SLC38A5: variants seen among roughly 807,000 people sequenced by gnomAD.
SLC38A5 encodes solute carrier family 38 member 5.
A neutral mutation model predicts 34.6 loss-of-function variants in SLC38A5; 9 were observed. That is an observed-to-expected ratio of 0.26 (90% CI 0.16 to 0.45). The LOEUF (loss-of-function observed/expected upper bound fraction) is 0.45. Ranked by LOEUF, SLC38A5 falls within the 20% of genes least tolerant of loss-of-function variation. The pLI is 1.00. For missense variants in SLC38A5, 253 were observed against 394.7 expected, an observed-to-expected ratio of 0.64 and a Z score of 3.04; for synonymous variants, 157 against 155.6, an observed-to-expected ratio of 1.01 and a Z score of -0.07.
chrX:48,465,569 G>C (rs1403322068), intron 8 of SLC38A5, among the ~76,000 whole-genome samples: 1 of 111,987 alleles, frequency 8.9e-6, no homozygotes, highest in Non-Finnish European at 1.9e-5. Context: ...CAATCAGCTG[G>C]ACAGGGGAAG....
intron 6 of SLC38A5, among the ~76,000 whole-genome samples, chrX:48,466,594 G>C (rs1490256125): frequency 2.8e-5 from 3 of 107,631 alleles, no homozygotes; most frequent in African/African-American, 1.0e-4. Flanking sequence ...CTGGGGAACC[G>C]GGGACTGAGG....
intron 2 of SLC38A5, chrX:48,469,005 G>A: frequency 1.3e-6 from 1 of 753,525 alleles, no homozygotes; most frequent in South Asian, 6.7e-5. Context: ...TTGGGAAGGA[G>A]GTATCTCAGA....
chrX:48,466,838 A>G lies in SLC38A5; in HGVS notation c.280T>C (p.Tyr94His). 1.7e-6 allele frequency: 2 copies of G among 1,206,573 alleles called. No homozygotes were observed. Among genetic ancestry groups the G allele is most frequent in the Non-Finnish European group, 2.2e-6 (2 of 892,893 alleles). Residue 94 changes from tyrosine (Y) to histidine (H), a missense_variant, in exon 6 of 17, where the codon TAC (tyrosine) becomes CAC (histidine). By Grantham distance (83) the Tyr-to-His change is moderately conservative (BLOSUM62 2). Around this residue, in one of 3 missense-constraint regions of SLC38A5, gnomAD observed 37 missense variants for 85.3 expected, o/e 0.43. Transcript: ENST00000620913. ...CAGGTCAGCAGGAGGTGGATGGAGT[A>G]GGACGACAGAAGCGCAATGCACAGC... ...LLLCIALLSSYSIHLLLTCAG... is the reference protein window; with the variant it reads ...LLLCIALLSSHSIHLLLTCAG...
chrX:48,460,730 G>A lies in SLC38A5; in HGVS notation c.987C>T (p.Ser329=). 12 of 1,211,988 alleles carry A rather than the reference G, an allele frequency of 9.9e-6. No individual in the cohort carries two copies. Among genetic ancestry groups the A allele is most frequent in the Non-Finnish European group, 1.3e-5 (12 of 895,579 alleles). ...CACAGAGGATGAGCGGGTCCTTCTG[G>A]CTGTACATGTGCAGCATCTCCGCCT... ...SVKAEMLHMY[S]QKDPLILCVR... The change falls in exon 14 of 17, where the codon AGC becomes AGT. Residue 329 remains serine, a synonymous_variant. Transcript: ENST00000620913.
chrX:48,466,212 A>G lies in SLC38A5; in HGVS notation c.412+18T>C. 1 of 890,705 alleles carries G rather than the reference A, an allele frequency of 1.1e-6. No homozygotes were observed. Among genetic ancestry groups the G allele is most frequent in the African/African-American group, 2.1e-5 (1 of 46,981 alleles). 73.4% of individuals were successfully genotyped at this position (890,705 alleles called of 1,213,427 possible). On this transcript the variant is annotated intron_variant, in intron 7 of 16. Coordinates refer to ENST00000620913, the MANE Select transcript of SLC38A5 (RefSeq NM_033518.4). Reference sequence around the variant, plus strand: ...GCCCTCTCCCCCCAAGCTGACCCCCACCTCCCAGAGTCCTCACCCCCAACA... The same window carrying G: ...GCCCTCTCCCCCCAAGCTGACCCCCGCCTCCCAGAGTCCTCACCCCCAACA...
At position 48,468,703 on chromosome X, in the gene SLC38A5, C is replaced by A. The variant is rs782802605; in HGVS notation, c.-2+632G>T. 7 of 282,007 alleles carry A rather than the reference C, an allele frequency of 2.5e-5. No homozygotes were observed. The East Asian group carries it at 1.6e-3, about 64-fold the overall frequency. The allele number at this position is 282,007 out of a possible 1,213,427, so 23.2% of individuals were successfully genotyped here. A position where few individuals can be genotyped will look rare whatever the true frequency, so the allele number is the denominator to read the frequency against. ...TAGGGCCTAGAGGTCTTTTCCAGGG[C>A]CCCTAGCAAGTCTTAAACACTCATC... is the stretch of plus-strand genomic sequence containing the variant. On this transcript the variant is annotated intron_variant, in intron 2 of 16. Transcript: ENST00000620913.
intron 2 of SLC38A5, chrX:48,468,260 C>A (rs1463077998): frequency 3.0e-5 from 28 of 918,876 alleles, no homozygotes; most frequent in Non-Finnish European, 3.8e-5. Flanking sequence ...GATGAGCCGA[C>A]CACGTGGAGA....
intron 2 of SLC38A5, chrX:48,468,838 A>G (rs955773174): frequency 2.9e-4 from 214 of 748,195 alleles, no homozygotes; most frequent in Non-Finnish European, 3.2e-4. Context: ...CTCCGGAGGA[A>G]GAGCTATTTC....
At chrX:48,463,915 A>AAG (rs1377349685) in intron 8 of SLC38A5, among the ~76,000 whole-genome samples, 3 of 102,895 alleles carry the variant, frequency 2.9e-5, no homozygotes, top group African/African-American at 7.0e-5. Context: ...AAGAAAGAGA[A>AAG]AGAAAGAAAG....
At chrX:48,467,179 T>C (rs977407214) in intron 4 of SLC38A5, 102 bp from the exon 5 acceptor site, 17 of 671,859 alleles carry the variant, frequency 2.5e-5, no homozygotes, top group Non-Finnish European at 3.4e-5. Context: ...GCAAGCGGGG[T>C]GGAGAGAAGC....
At position 48,462,075 on chromosome X, in the gene SLC38A5, G is replaced by A. The variant is rs371501636; in HGVS notation, c.703C>T (p.Leu235Phe). Residue 235 changes from leucine (L) to phenylalanine (F), a missense_variant, in exon 11 of 17, where the codon CTC becomes TTC. Leu to Phe is a conservative substitution (Grantham distance 22). This residue lies in a region of SLC38A5 where 176 missense variants were observed against 273.0 expected (regional missense o/e 0.64). Coordinates refer to ENST00000620913, the MANE Select transcript of SLC38A5 (RefSeq NM_033518.4). ...HNETAMESEA[L>F]VGLPSQGLNS... is the part of the protein sequence containing the mutation. ...AGTCCTTGGCTGGGGAGTCCCACGAGAGCTTCACTCTCCATTGCTGTTTCA... is the reference window on the plus strand; with the variant it reads ...AGTCCTTGGCTGGGGAGTCCCACGAAAGCTTCACTCTCCATTGCTGTTTCA... The A allele has an allele frequency of 2.6e-6, 3 of 1,168,314 alleles. No homozygotes were observed. The African/African-American group carries it at 5.4e-5, about 21-fold the overall frequency.
chrX:48,470,248 G>A lies in SLC38A5; in HGVS notation c.-170C>T, dbSNP rs2061503180. ...GGGGCCCCCAGAGGGAGGCAGGGAG[G>A]GCATTTGTGGCTGGGTGGGGAATGT... On this transcript the variant is annotated 5_prime_UTR_variant, in exon 1 of 17. Coordinates refer to ENST00000620913, the MANE Select transcript of SLC38A5 (RefSeq NM_033518.4). The A allele has an allele frequency of 8.9e-6, 1 of 111,819 alleles. No homozygotes were observed. Among genetic ancestry groups the A allele is most frequent in the African/African-American group, 3.3e-5 (1 of 30,689 alleles). 9.2% of individuals were successfully genotyped at this position (111,819 alleles called of 1,213,427 possible).
chrX:48,461,719 G>A lies in SLC38A5; in HGVS notation c.850C>T (p.Arg284Trp), dbSNP rs781958231. ...EVLPIYTELC[R>W]PSKRRMQAVA... ...AGGCCCACTTGCCTGCCCACTCACC[G>A]GCAGAGCTCCGTATAGATGGGCAGC... Residue 284 changes from arginine to tryptophan, a missense_variant and splice_region_variant, in exon 12 of 17, where the codon CGG becomes TGG. Coordinates refer to ENST00000620913, the MANE Select transcript of SLC38A5 (RefSeq NM_033518.4). 6.6e-6 allele frequency: 8 copies of A among 1,203,674 alleles called. No homozygotes were observed. Among genetic ancestry groups the A allele is most frequent in the South Asian group, 3.6e-5 (2 of 55,384 alleles).
rs1556963913 is a variant in SLC38A5, at chrX:48,467,773, T to C, written c.66A>G (p.Glu22=). 5 of 1,208,182 alleles carry C rather than the reference T, an allele frequency of 4.1e-6. No homozygotes were observed. In the East Asian group the frequency reaches 8.9e-5, roughly 22 times the overall value. The change falls in exon 4 of 17, where the codon GAA becomes GAG. Residue 22 remains glutamate (E), a synonymous_variant. Transcript: ENST00000620913. ...LPSDAVGYRQ[E]REGFLPSRGP... ...CACGACTGGGCAGGAAGCCCTCACG[T>C]TCTTGCCTGTAGCTGGATAGGGCAG...
At chrX:48,469,273 C>G (rs1444509446) in intron 2 of SLC38A5, 62 bp downstream of exon 2, 1 of 110,516 alleles carries the variant, frequency 9.0e-6, no homozygotes, top group Non-Finnish European at 1.9e-5. Context: ...CCCAGGACCC[C>G]TACTCATATC....
chrX:48,465,568 G>T (rs1016249770), intron 8 of SLC38A5, among the ~76,000 whole-genome samples: 1 of 111,978 alleles, frequency 8.9e-6, no homozygotes, highest in East Asian at 2.8e-4. Flanking sequence ...ACAATCAGCT[G>T]GACAGGGGAA....
chrX:48,461,417 T>C (rs1556961871), intron 12 of SLC38A5, among the ~76,000 whole-genome samples: 1 of 111,774 alleles, frequency 8.9e-6, no homozygotes, highest in African/African-American at 3.3e-5. Context: ...CGTACCTCCC[T>C]ATCCCCATAT....
chrX:48,459,064 G>A, intron 16 of SLC38A5, 30 bp from the exon 17 acceptor site: 1 of 1,155,777 alleles, frequency 8.7e-7, no homozygotes. Flanking sequence ...GATGGGGCTG[G>A]TTGGGACTCC....
chrX:48,461,862 C>T, intron 11 of SLC38A5, 65 bp from the exon 12 acceptor site: 1 of 1,148,959 alleles, frequency 8.7e-7, no homozygotes, highest in Non-Finnish European at 1.2e-6. Context: ...TTCCCATCCC[C>T]CTCCCGCCCC....
Sources: gnomAD v4.1 joint callset for allele counts (sites outside exome capture counted in the v4.1 genomes callset) on GRCh38, gnomAD v4.1.1 for gene constraint, gnomAD v4.1.1 regional missense constraint, MANE v1.5 for transcripts, NCBI Gene and HGNC (gene_info 2026-07-23, HGNC 2026-07-21) for gene names.